The following FANCD2 variants were observed in gnomAD, a reference collection of about 807,000 sequenced individuals.
FANCD2 encodes Fanconi anemia group D2 protein.
A neutral mutation model predicts 192.3 loss-of-function variants in FANCD2; 131 were observed. The observed-to-expected ratio is 0.68, with a 90% CI of 0.59 to 0.79. The LOEUF is 0.79. Ranked by LOEUF, FANCD2 falls within the 30% of genes least tolerant of loss-of-function variation. The pLI is 0.00. For missense variants in FANCD2, 1,508 were observed against 1,701.6 expected (o/e 0.89, Z 2.00); for synonymous variants, 524 against 612.5 (o/e 0.86, Z 2.13).
chr3:10,050,510 C>A lies in FANCD2; in HGVS notation c.1545+1005C>A, dbSNP rs1209249863. ...TCGTGGCGGTCGCCTGTAGTCCCAG[C>A]TACTCAAGAGGCTGAGGCAGGAGAA... On this transcript the variant is annotated intron_variant, in intron 17 of 43. Transcript: ENST00000675286. Among the ~76,000 whole-genome samples the A allele has an allele frequency of 7.3e-5, 11 of 151,206 alleles. No individual in the cohort carries two copies. In the Admixed American group the frequency reaches 7.3e-4, roughly 10 times the overall value.
At chr3:10,065,259 A>G in intron 23 of FANCD2, 135 bp from the exon 24 acceptor site, 1 of 713,728 alleles carries the variant, frequency 1.4e-6, no homozygotes, top group South Asian at 1.5e-5. Flanking sequence ...ACTGCACTCC[A>G]GACTGGGCGA....
chr3:10,047,905 TC>T lies in FANCD2; in HGVS notation c.1279-8del. On this transcript the variant is annotated splice_polypyrimidine_tract_variant and intron_variant, in intron 15 of 43. Coordinates refer to ENST00000675286, the MANE Select transcript of FANCD2 (RefSeq NM_001018115.3). ...ACAGCTTCTTTTCTCTCTCTACTCT[TC>T]CCCACTCAAGGTTCTTAAGGATATG... is the stretch of plus-strand genomic sequence containing the variant. The T allele has an allele frequency of 6.2e-7, 1 of 1,612,208 alleles. No homozygotes were observed. The highest frequency in any genetic ancestry group is 8.5e-7 in the Non-Finnish European group (1 of 1,180,022).
chr3:10,054,528 G>A (rs1451469992), intron 18 of FANCD2, among the ~76,000 whole-genome samples: 2 of 106,722 alleles, frequency 1.9e-5, no homozygotes, highest in South Asian at 3.5e-4. Flanking sequence ...CTGTCACCCA[G>A]GCTGGAGTGC....
At chr3:10,077,104 A>C (rs989534320) in intron 29 of FANCD2, among the ~76,000 whole-genome samples, 16 of 150,664 alleles carry the variant, frequency 1.1e-4, no homozygotes, top group African/African-American at 3.4e-4. Context: ...ATGGTGACGC[A>C]CACCTGTGAT....
At chr3:10,061,310 G>C (rs2087560949) in intron 19 of FANCD2, among the ~76,000 whole-genome samples, 1 of 152,084 alleles carries the variant, frequency 6.6e-6, no homozygotes, top group African/African-American at 2.4e-5. Flanking sequence ...ACCTACAACT[G>C]TCTTAGTAAA....
intron 20 of FANCD2, among the ~76,000 whole-genome samples, chr3:10,062,816 G>A (rs1020732943): frequency 6.6e-6 from 1 of 152,048 alleles, no homozygotes; most frequent in Non-Finnish European, 1.5e-5. Context: ...CTCCCAAGTA[G>A]CTGGGATCAC....
At chr3:10,080,800 G>T (rs192714437) in intron 30 of FANCD2, among the ~76,000 whole-genome samples, 5 of 152,184 alleles carry the variant, frequency 3.3e-5, no homozygotes, top group Admixed American at 3.3e-4. Context: ...GGAGTCTATT[G>T]CCCTACATTT....
intron 39 of FANCD2, among the ~76,000 whole-genome samples, chr3:10,093,746 T>C (rs1197146710): frequency 1.3e-5 from 2 of 152,164 alleles, no homozygotes; most frequent in Non-Finnish European, 2.9e-5. Context: ...AGCCCTAGAT[T>C]TGATGGGAAG....
chr3:10,033,079 A>G (rs1426953360), intron 3 of FANCD2, 107 bp downstream of exon 3: 7 of 980,314 alleles, frequency 7.1e-6, no homozygotes, highest in East Asian at 2.4e-5. Context: ...TCAGAGGGCC[A>G]TCCATCTTGA....
chr3:10,096,555 A>G (rs1384904866), intron 42 of FANCD2, 83 bp downstream of exon 42: 9 of 1,315,668 alleles, frequency 6.8e-6, no homozygotes, highest in Non-Finnish European at 9.9e-6. Flanking sequence ...AAGGTCACCT[A>G]AGCCCTCGTC....
Position 10,029,777 on chromosome 3 carries a change from CTTGTTGTTG to C in FANCD2, c.64+1071_64+1079del, listed in dbSNP as rs373948218. Reference sequence around the variant, plus strand: ...AGTATCCAAAGTCCATTATATCATTCTTGTTGTTGTTGTTGTTGTTGTTTGAGACGGAGT... The same window carrying C: ...AGTATCCAAAGTCCATTATATCATTCTTGTTGTTGTTGTTTGAGACGGAGT... On this transcript the variant is annotated intron_variant, in intron 2 of 43. Coordinates refer to ENST00000675286, the MANE Select transcript of FANCD2 (RefSeq NM_001018115.3). Among the ~76,000 whole-genome samples, 5 of 151,774 alleles carry C rather than the reference CTTGTTGTTG, an allele frequency of 3.3e-5. No homozygotes were observed. In the South Asian group the frequency reaches 8.3e-4, roughly 25 times the overall value.
intron 8 of FANCD2, 63 bp from the exon 9 acceptor site, chr3:10,039,658 C>T (rs1396429531): frequency 2.4e-5 from 38 of 1,591,458 alleles, no homozygotes; most frequent in Non-Finnish European, 3.1e-5. Flanking sequence ...GCATTTCACA[C>T]GTAGGTAGTC....
chr3:10,028,782 T>C (rs2086520161), intron 2 of FANCD2, 61 bp downstream of exon 2: 2 of 1,389,692 alleles, frequency 1.4e-6, no homozygotes, highest in Non-Finnish European at 2.0e-6. Flanking sequence ...ATGTGAGAGA[T>C]ATAAAGTTCC....
intron 7 of FANCD2, among the ~76,000 whole-genome samples, chr3:10,038,039 A>G (rs536863240): frequency 2.0e-5 from 3 of 152,292 alleles, no homozygotes; most frequent in African/African-American, 7.2e-5. Context: ...TGCCCAGGCT[A>G]GAGTACAGTG....
At chr3:10,070,542 C>T (rs1351942781) in intron 26 of FANCD2, among the ~76,000 whole-genome samples, 4 of 131,448 alleles carry the variant, frequency 3.0e-5, no homozygotes, top group South Asian at 2.5e-4. Context: ...CCGCCCCGTC[C>T]GGGAGGTGAG....
intron 1 of FANCD2, among the ~76,000 whole-genome samples, chr3:10,027,132 ACT>A (rs1243953849): frequency 6.6e-6 from 1 of 152,180 alleles, no homozygotes; most frequent in African/African-American, 2.4e-5. Context: ...AGCTTTTTTC[ACT>A]CTGAATATTC....
intron 34 of FANCD2, among the ~76,000 whole-genome samples, chr3:10,087,954 C>A (rs768775835): frequency 1.3e-5 from 2 of 152,164 alleles, no homozygotes; most frequent in Non-Finnish European, 2.9e-5. Flanking sequence ...GCCCTGGCCT[C>A]TTTCTTAAAC....
At position 10,085,958 on chromosome 3, in the gene FANCD2, A is replaced by G. The variant is rs368121256; in HGVS notation, c.3335+36A>G. On this transcript the variant is annotated intron_variant, in intron 33 of 43. Coordinates refer to ENST00000675286, the MANE Select transcript of FANCD2 (RefSeq NM_001018115.3). ...ACTACATAGCCAAGATTGTTGTCCCAAGAAACTCCTAGGAACAGGATTGGC... is the reference window on the plus strand; with the variant it reads ...ACTACATAGCCAAGATTGTTGTCCCGAGAAACTCCTAGGAACAGGATTGGC... The G allele has an allele frequency of 1.3e-5, 19 of 1,407,762 alleles. No individual in the cohort carries two copies. The African/African-American group carries it at 2.4e-4, about 18-fold the overall frequency. 87.2% of individuals were successfully genotyped at this position (1,407,762 alleles called of 1,614,324 possible). A position where few individuals can be genotyped will look rare whatever the true frequency, so the allele number is the denominator to read the frequency against.
intron 16 of FANCD2, among the ~76,000 whole-genome samples, chr3:10,048,997 T>G (rs1476264715): frequency 6.6e-6 from 1 of 152,042 alleles, no homozygotes; most frequent in African/African-American, 2.4e-5. Flanking sequence ...AGAAAACCTT[T>G]AAAGCTTTTA....
Sources: gnomAD v4.1 joint callset for allele counts (sites outside exome capture counted in the v4.1 genomes callset) on GRCh38, gnomAD v4.1.1 for gene constraint, MANE v1.5 for transcripts, NCBI Gene and HGNC (gene_info 2026-07-23, HGNC 2026-07-21) for gene names.